The following GNG7 variants were observed in gnomAD, a reference collection of about 807,000 sequenced individuals.
GNG7 encodes G protein subunit gamma 7.
GNG7 carries 1 observed loss-of-function variant against 4.0 expected under a neutral mutation model. The ratio of observed to expected loss-of-function variants is 0.25; its 90% CI spans 0.09 to 1.18. GNG7 has a LOEUF of 1.18. GNG7 is among the 50% of genes most tolerant of loss of function. The pLI is 0.50. For synonymous variants in GNG7, 34 were observed against 36.9 expected, an observed-to-expected ratio of 0.92 and a Z score of 0.29; for missense variants, 86 against 91.9, an observed-to-expected ratio of 0.94 and a Z score of 0.26.
intron 3 of GNG7, among the ~76,000 whole-genome samples, chr19:2,549,410 C>A (rs530596732): frequency 3.3e-5 from 5 of 152,002 alleles, no homozygotes; most frequent in Admixed American, 1.3e-4. Flanking sequence ...TCTGCCTCAG[C>A]CTCCTGAGTA....
chr19:2,679,290 A>G (rs1398249521), intron 1 of GNG7, among the ~76,000 whole-genome samples: 1 of 152,098 alleles, frequency 6.6e-6, no homozygotes, highest in African/African-American at 2.4e-5. Flanking sequence ...GGCTCAAGCA[A>G]TCCTCCCACC....
chr19:2,531,303 C>CAA (rs58133235), intron 3 of GNG7, among the ~76,000 whole-genome samples: 16,064 of 93,036 alleles, frequency 0.17, 1,845 homozygotes, highest in Non-Finnish European at 0.2. Context: ...GATTCCGTCT[C>CAA]AAAAAAAAAA....
At chr19:2,670,591 A>G (rs1193013241) in intron 1 of GNG7, among the ~76,000 whole-genome samples, 2 of 151,834 alleles carry the variant, frequency 1.3e-5, no homozygotes, top group Non-Finnish European at 2.9e-5. Flanking sequence ...AGATTCACAG[A>G]GCACCCTATT....
rs1334227034 is a variant in GNG7, at chr19:2,633,034, C to T, written c.-78+13190G>A. 6.6e-6 allele frequency among the ~76,000 whole-genome samples: 1 copy of T among 152,200 alleles called. No homozygotes were observed. Among genetic ancestry groups the T allele is most frequent in the African/African-American group, 2.4e-5 (1 of 41,444 alleles). ...CTCAACAGACCCCACCTTGGGCCTC[C>T]CCAGGCTGCACCTTAACCATCTATG... On this transcript the variant is annotated intron_variant, in intron 2 of 4. Transcript: ENST00000382159. This position sits in a 1 kb window ranked among gnomAD's most constrained non-coding sequence, Gnocchi z 5.9.
chr19:2,513,525 C>T lies in GNG7; in HGVS notation c.*1497G>A. 6.1e-6 allele frequency: 6 copies of T among 985,608 alleles called. No individual in the cohort carries two copies. The highest frequency in any genetic ancestry group is 7.2e-6 in the Non-Finnish European group (6 of 830,068). 61.1% of individuals were successfully genotyped at this position (985,608 alleles called of 1,614,324 possible). On this transcript the variant is annotated 3_prime_UTR_variant, in exon 5 of 5. Coordinates refer to ENST00000382159, the MANE Select transcript of GNG7 (RefSeq NM_052847.3). ...CATCTTTCAGAAGCCTCCCCCCGACCCCATGACATCTTCGATTTCCACTTG... is the reference window on the plus strand; with the variant it reads ...CATCTTTCAGAAGCCTCCCCCCGACTCCATGACATCTTCGATTTCCACTTG...
intron 2 of GNG7, among the ~76,000 whole-genome samples, chr19:2,627,314 C>T (rs2144838679): frequency 6.6e-6 from 1 of 152,300 alleles, no homozygotes; most frequent in East Asian, 1.9e-4. Context: ...GGATGACCCA[C>T]CCCAGAGAAC....
At chr19:2,527,708 G>A (rs1978451361) in intron 3 of GNG7, among the ~76,000 whole-genome samples, 1 of 152,056 alleles carries the variant, frequency 6.6e-6, no homozygotes, top group Non-Finnish European at 1.5e-5. Flanking sequence ...TTCTGGGGTG[G>A]GGCTGTCCTG....
At chr19:2,622,882 T>G (rs1355705448) in intron 2 of GNG7, among the ~76,000 whole-genome samples, 1 of 152,226 alleles carries the variant, frequency 6.6e-6, no homozygotes, top group Non-Finnish European at 1.5e-5. Flanking sequence ...GAGGGCTTTG[T>G]TTTCACTTTC....
chr19:2,608,243 G>A (rs1981452357), intron 2 of GNG7, among the ~76,000 whole-genome samples: 2 of 152,044 alleles, frequency 1.3e-5, no homozygotes, highest in Admixed American at 1.3e-4. Context: ...GGATGTCTGA[G>A]GAGCAGAAAG....
intron 1 of GNG7, among the ~76,000 whole-genome samples, chr19:2,695,877 G>A (rs191973307): frequency 5.6e-4 from 85 of 152,268 alleles, no homozygotes; most frequent in Admixed American, 5.5e-3. Context: ...AGACAGAAGG[G>A]GCCGGGCATG....
chr19:2,537,215 C>T (rs1011430856), intron 3 of GNG7, among the ~76,000 whole-genome samples: 1 of 152,138 alleles, frequency 6.6e-6, no homozygotes, highest in Admixed American at 6.5e-5. Flanking sequence ...TCCCAAAGTG[C>T]TGGGATTACA....
intron 2 of GNG7, among the ~76,000 whole-genome samples, chr19:2,568,620 CATACACACATAT>C (rs1980032124): frequency 6.7e-6 from 1 of 150,024 alleles, no homozygotes; most frequent in South Asian, 2.1e-4. Context: ...CATATATACA[CATACACACATAT>C]ATACACATAT....
intron 1 of GNG7, among the ~76,000 whole-genome samples, chr19:2,656,070 TG>T (rs1982967217): frequency 6.8e-6 from 1 of 147,512 alleles, no homozygotes; most frequent in African/African-American, 2.5e-5. Context: ...AAAGAAACAT[TG>T]GTAAGGATGT....
chr19:2,651,000 G>T (rs952254797), intron 1 of GNG7, among the ~76,000 whole-genome samples: 1 of 152,140 alleles, frequency 6.6e-6, no homozygotes, highest in Non-Finnish European at 1.5e-5. Context: ...GGGCACCTAT[G>T]GGCAGCTGGC....
chr19:2,702,436 C>G (rs1442624584), intron 1 of GNG7, among the ~76,000 whole-genome samples: 1 of 150,470 alleles, frequency 6.6e-6, no homozygotes, highest in Admixed American at 6.7e-5. Flanking sequence ...CCAGCCCCTC[C>G]CCAGCTAACT....
chr19:2,585,003 GGAAGGAAA>G (rs1197279496), intron 2 of GNG7, among the ~76,000 whole-genome samples: 3 of 93,290 alleles, frequency 3.2e-5, no homozygotes, highest in African/African-American at 1.8e-4. Flanking sequence ...AGGGAAGGAA[GGAAGGAAA>G]GAAGGAAGGA....
chr19:2,615,507 G>GA (rs1343419322), intron 2 of GNG7, among the ~76,000 whole-genome samples: 1 of 142,930 alleles, frequency 7.0e-6, no homozygotes, highest in African/African-American at 2.7e-5. Context: ...CTGTTGCCCA[G>GA]GCTGGAGTGC....
intron 2 of GNG7, among the ~76,000 whole-genome samples, chr19:2,602,502 G>A (rs1981231735): frequency 6.6e-6 from 1 of 152,238 alleles, no homozygotes; most frequent in African/African-American, 2.4e-5. Context: ...GCGCTGTGCA[G>A]AAGCAGCAGG....
intron 2 of GNG7, among the ~76,000 whole-genome samples, chr19:2,637,225 G>A (rs989282562): frequency 8.7e-5 from 12 of 138,346 alleles, no homozygotes; most frequent in African/African-American, 3.1e-4. Flanking sequence ...CCCCGCCCCC[G>A]AGCCCGGCCC....
Sources: gnomAD v4.1 joint callset for allele counts (sites outside exome capture counted in the v4.1 genomes callset) on GRCh38, gnomAD v4.1.1 for gene constraint, Gnocchi (gnomAD v3.1) non-coding constraint, MANE v1.5 for transcripts, NCBI Gene and HGNC (gene_info 2026-07-23, HGNC 2026-07-21) for gene names.